Variants in SYNPR observed in about 807,000 individuals in gnomAD.
The protein encoded by SYNPR is synaptoporin.
A neutral mutation model predicts 32.9 loss-of-function variants in SYNPR; 23 were observed. The observed-to-expected ratio is 0.70, with a 90% CI of 0.50 to 0.99. The LOEUF is 0.99. SYNPR is among the 50% of genes least tolerant of loss of function. SYNPR has a pLI of 0.00. For synonymous variants in SYNPR, 146 were observed against 135.9 expected (o/e 1.07, Z -0.52); for missense variants, 318 against 349.3 (o/e 0.91, Z 0.71).
At chr3:63,302,874 T>C (rs979673373) in intron 2 of SYNPR, among the ~76,000 whole-genome samples, 1 of 152,018 alleles carries the variant, frequency 6.6e-6, no homozygotes, top group African/African-American at 2.4e-5. Context: ...CATTAATCTA[T>C]TGTACATTTA....
chr3:63,546,292 T>G (rs2106813083), intron 3 of SYNPR, among the ~76,000 whole-genome samples: 1 of 152,284 alleles, frequency 6.6e-6, no homozygotes, highest in East Asian at 1.9e-4. Context: ...AGATCATACC[T>G]TGGCCTTTGC....
At chr3:63,600,464 A>G (rs1700024126) in intron 4 of SYNPR, among the ~76,000 whole-genome samples, 1 of 152,154 alleles carries the variant, frequency 6.6e-6, no homozygotes, top group South Asian at 2.1e-4. Flanking sequence ...CCCACATCTC[A>G]CTTTCTGCAA....
chr3:63,352,775 C>T (rs2087526431), intron 2 of SYNPR, among the ~76,000 whole-genome samples: 1 of 152,082 alleles, frequency 6.6e-6, no homozygotes, highest in Non-Finnish European at 1.5e-5. Flanking sequence ...AAAGGAAGAA[C>T]AAAGGGATGT....
intron 3 of SYNPR, among the ~76,000 whole-genome samples, chr3:63,508,276 G>A (rs932698241): frequency 2.0e-5 from 3 of 152,052 alleles, no homozygotes; most frequent in Non-Finnish European, 4.4e-5. Flanking sequence ...ATATATTCCA[G>A]GTATTGCTCT....
intron 2 of SYNPR, among the ~76,000 whole-genome samples, chr3:63,326,647 G>A (rs1437210417): frequency 6.6e-6 from 1 of 151,996 alleles, no homozygotes; most frequent in Admixed American, 6.6e-5. Flanking sequence ...GCTGGTCCTT[G>A]GTCTTCTATC....
At chr3:63,518,084 A>G (rs941811232) in intron 3 of SYNPR, among the ~76,000 whole-genome samples, 1 of 152,242 alleles carries the variant, frequency 6.6e-6, no homozygotes, top group South Asian at 2.1e-4. Flanking sequence ...GGGAGATTTT[A>G]CAGATTATAT....
At chr3:63,580,066 G>T (rs774867512) in intron 4 of SYNPR, among the ~76,000 whole-genome samples, 17 of 151,986 alleles carry the variant, frequency 1.1e-4, no homozygotes, top group Non-Finnish European at 4.4e-5. Flanking sequence ...ATTCATCCTC[G>T]CAGCCATTTC....
intron 3 of SYNPR, among the ~76,000 whole-genome samples, chr3:63,500,711 T>C (rs1000448655): frequency 3.3e-5 from 5 of 152,176 alleles, no homozygotes; most frequent in Admixed American, 2.6e-4. Context: ...TCTCAAAACT[T>C]GTTTTCACTC....
At chr3:63,607,160 G>T (rs1261887579) in intron 4 of SYNPR, among the ~76,000 whole-genome samples, 2 of 152,048 alleles carry the variant, frequency 1.3e-5, no homozygotes, top group Non-Finnish European at 2.9e-5. Flanking sequence ...TATAGGTAAT[G>T]CTTTAAGGTA....
intron 1 of SYNPR, among the ~76,000 whole-genome samples, chr3:63,230,492 A>C (rs1284712135): frequency 6.6e-6 from 1 of 152,202 alleles, no homozygotes; most frequent in Non-Finnish European, 1.5e-5. Context: ...CTTAAAGAGA[A>C]GATAGATGCA....
At chr3:63,382,403 A>G (rs1166562902) in intron 2 of SYNPR, among the ~76,000 whole-genome samples, 1 of 152,242 alleles carries the variant, frequency 6.6e-6, no homozygotes, top group African/African-American at 2.4e-5. Context: ...TGGGTTTCCC[A>G]CTTGACCTTT....
chr3:63,413,315 A>G (rs2107120316), intron 2 of SYNPR, among the ~76,000 whole-genome samples: 1 of 152,264 alleles, frequency 6.6e-6, no homozygotes, highest in South Asian at 2.1e-4. Context: ...TTGAACTGTA[A>G]CAGTCTGTTA....
At chr3:63,299,538 A>C (rs530634970) in intron 2 of SYNPR, among the ~76,000 whole-genome samples, 1 of 152,188 alleles carries the variant, frequency 6.6e-6, no homozygotes, top group East Asian at 1.9e-4. Context: ...CAAGAGAGAG[A>C]AAATGGCTAC....
At chr3:63,595,749 A>ATATAGTTT (rs1699932742) in intron 4 of SYNPR, among the ~76,000 whole-genome samples, 1 of 44,396 alleles carries the variant, frequency 2.3e-5, no homozygotes, top group African/African-American at 1.3e-4. Context: ...ATATATATAT[A>ATATAGTTT]TATATATATA....
chr3:63,592,270 CT>C (rs1699849020), intron 4 of SYNPR, among the ~76,000 whole-genome samples: 3 of 152,124 alleles, frequency 2.0e-5, no homozygotes, highest in African/African-American at 7.2e-5. Flanking sequence ...AACTTCTGGC[CT>C]CCAGAAGGGT....
In SYNPR at chr3:63,556,705, G is replaced by A. The variant is rs201178786; in HGVS notation, c.372G>A (p.Gln124=). 1.2e-6 allele frequency: 2 copies of A among 1,613,508 alleles called. No individual in the cohort carries two copies. Among genetic ancestry groups the A allele is most frequent in the East Asian group, 2.2e-5 (1 of 44,838 alleles). ...LAATVVYIFF[Q]NKYRENNRGP... ...CCACTGTCGTTTACATTTTCTTCCAGAACAAATACCGGGAAAACAACCGGG... is the reference window on the plus strand; with the variant it reads ...CCACTGTCGTTTACATTTTCTTCCAAAACAAATACCGGGAAAACAACCGGG... Residue 124 remains glutamine (Q), a synonymous_variant, in exon 4 of 6, where the codon CAG becomes CAA. Transcript: ENST00000478300.
chr3:63,259,567 C>T (rs1308562914), intron 2 of SYNPR, among the ~76,000 whole-genome samples: 5 of 152,128 alleles, frequency 3.3e-5, no homozygotes, highest in Admixed American at 6.5e-5. Flanking sequence ...ATTGATGGGA[C>T]GTATCTCAAA....
intron 2 of SYNPR, among the ~76,000 whole-genome samples, chr3:63,368,884 A>G (rs1246799337): frequency 6.6e-6 from 1 of 152,244 alleles, no homozygotes; most frequent in Non-Finnish European, 1.5e-5. Flanking sequence ...CAAAGCTTCA[A>G]CAAGGACATT....
At position 63,442,898 on chromosome 3, in the gene SYNPR, A is replaced by T. The variant is rs148432647; in HGVS notation, c.85-37934A>T. ...AAACATAACAACATTTACTTAATCT[A>T]TGCAAATCTATTCGTAAGATTTTAT... On this transcript the variant is annotated intron_variant, in intron 2 of 5. Transcript: ENST00000478300. Among the ~76,000 whole-genome samples the T allele has an allele frequency of 2.9e-3, 444 of 152,334 alleles. 3 individuals carry two copies. Among genetic ancestry groups the T allele is most frequent in the South Asian group, 0.011 (52 of 4,822 alleles).
Sources: gnomAD v4.1 joint callset for allele counts (sites outside exome capture counted in the v4.1 genomes callset) on GRCh38, gnomAD v4.1.1 for gene constraint, MANE v1.5 for transcripts, NCBI Gene and HGNC (gene_info 2026-07-23, HGNC 2026-07-21) for gene names.